Variants in PCSK5 observed in about 807,000 individuals in gnomAD.
PCSK5 encodes proprotein convertase subtilisin/kexin type 5.
PCSK5 carries 129 observed loss-of-function variants against 233.2 expected under a neutral mutation model. That is an observed-to-expected ratio of 0.55 (90% confidence interval 0.48 to 0.64). The LOEUF is 0.64. PCSK5 is among the 30% of genes least tolerant of loss of function. The pLI is 0.00. For synonymous variants in PCSK5, 825 were observed against 879.2 expected, an observed-to-expected ratio of 0.94 and a Z score of 1.09; for missense variants, 2,076 against 2,430.1, an observed-to-expected ratio of 0.85 and a Z score of 3.06.
intron 2 of PCSK5, among the ~76,000 whole-genome samples, chr9:75,939,949 C>A (rs551559572): frequency 1.3e-5 from 2 of 152,186 alleles, no homozygotes; most frequent in South Asian, 2.1e-4. Context: ...TGCCTCATCA[C>A]GTGGATGTGT....
intron 2 of PCSK5, among the ~76,000 whole-genome samples, chr9:75,950,428 A>C (rs1426794423): frequency 6.6e-6 from 1 of 152,130 alleles, no homozygotes; most frequent in Non-Finnish European, 1.5e-5. Flanking sequence ...TTTGGATGCT[A>C]TTTGAAAGGC....
chr9:76,218,461 T>G (rs1181777010), intron 20 of PCSK5, among the ~76,000 whole-genome samples: 1 of 152,106 alleles, frequency 6.6e-6, no homozygotes, highest in East Asian at 1.9e-4. Context: ...TGACCAGGGT[T>G]TAGATGATGT....
At chr9:76,235,903 C>T (rs1471587972) in intron 22 of PCSK5, among the ~76,000 whole-genome samples, 1 of 152,196 alleles carries the variant, frequency 6.6e-6, no homozygotes, top group Non-Finnish European at 1.5e-5. Context: ...TGAAGAAGTT[C>T]CATATCCATA....
At chr9:76,132,399 T>C (rs1021124288) in intron 9 of PCSK5, among the ~76,000 whole-genome samples, 3 of 152,126 alleles carry the variant, frequency 2.0e-5, no homozygotes, top group African/African-American at 2.4e-5. Context: ...ATCGTTCTCA[T>C]ATTTTTAAAG....
intron 20 of PCSK5, among the ~76,000 whole-genome samples, chr9:76,200,692 A>G (rs933268049): frequency 2.6e-5 from 4 of 152,242 alleles, no homozygotes; most frequent in African/African-American, 9.6e-5. Context: ...GATATTCGAG[A>G]GAGAGAACCT....
chr9:76,260,420 T>C lies in PCSK5; in HGVS notation c.3142+19736T>C, dbSNP rs118026603. ...GCTAAGTGGACTCAATCTGAGCTCA[T>C]GAATCTTTAAAGTGGAGAACCTTTC... On this transcript the variant is annotated intron_variant, in intron 24 of 37. Coordinates refer to ENST00000674117, the MANE Select transcript of PCSK5 (RefSeq NM_001372043.1). Among the ~76,000 whole-genome samples, 193 of 152,282 alleles carry C rather than the reference T, an allele frequency of 1.3e-3. 2 individuals are homozygous for C. Among genetic ancestry groups the C allele is most frequent in the East Asian group, 5.6e-3 (29 of 5,194 alleles).
intron 20 of PCSK5, among the ~76,000 whole-genome samples, chr9:76,205,442 T>C (rs954949293): frequency 1.6e-4 from 25 of 152,176 alleles, no homozygotes; most frequent in African/African-American, 6.0e-4. Context: ...CATTCAGGAA[T>C]GTCCAAGCTC....
At chr9:75,906,056 G>C (rs1437327385) in intron 1 of PCSK5, among the ~76,000 whole-genome samples, 1 of 152,028 alleles carries the variant, frequency 6.6e-6, no homozygotes, top group African/African-American at 2.4e-5. Flanking sequence ...CGGTGCTTGC[G>C]TTATAGTGGG....
At chr9:76,280,136 A>T (rs1827821616) in intron 24 of PCSK5, among the ~76,000 whole-genome samples, 2 of 152,052 alleles carry the variant, frequency 1.3e-5, no homozygotes, top group African/African-American at 4.8e-5. Flanking sequence ...TGAACTTTTC[A>T]TCATTATTTT....
At chr9:75,999,218 A>G (rs1183238424) in intron 3 of PCSK5, among the ~76,000 whole-genome samples, 1 of 151,850 alleles carries the variant, frequency 6.6e-6, no homozygotes, top group Non-Finnish European at 1.5e-5. Flanking sequence ...CTAGCCCCCC[A>G]GCCCCCAACA....
chr9:76,252,345 A>T (rs1033701605), intron 24 of PCSK5, among the ~76,000 whole-genome samples: 1 of 152,218 alleles, frequency 6.6e-6, no homozygotes, highest in African/African-American at 2.4e-5. Context: ...TCAGTCCTTC[A>T]TACTAAAGCC....
intron 7 of PCSK5, among the ~76,000 whole-genome samples, chr9:76,089,556 A>G (rs752491847): frequency 5.9e-5 from 9 of 152,200 alleles, no homozygotes; most frequent in Non-Finnish European, 1.3e-4. Flanking sequence ...AACTAACAAT[A>G]TGTGAAAGCT....
chr9:76,331,433 C>T (rs1005667150), intron 33 of PCSK5, among the ~76,000 whole-genome samples: 3 of 151,886 alleles, frequency 2.0e-5, no homozygotes, highest in Admixed American at 6.6e-5. Flanking sequence ...TTTGGGAGGC[C>T]GAGGTGGGCG....
intron 15 of PCSK5, among the ~76,000 whole-genome samples, 156 bp downstream of exon 15, chr9:76,179,854 A>C (rs533536140): frequency 1.3e-5 from 2 of 152,196 alleles, no homozygotes; most frequent in South Asian, 4.2e-4. Context: ...GTGCAGGCCG[A>C]CTGCCTCCCT....
chr9:75,979,326 A>G (rs1244646040), intron 2 of PCSK5, among the ~76,000 whole-genome samples: 1 of 152,044 alleles, frequency 6.6e-6, no homozygotes, highest in Non-Finnish European at 1.5e-5. Context: ...GATCTGGGCA[A>G]GAGGGTTTTT....
chr9:75,984,126 T>C (rs1417174602), intron 2 of PCSK5, among the ~76,000 whole-genome samples: 2 of 152,230 alleles, frequency 1.3e-5, no homozygotes, highest in East Asian at 1.9e-4. Context: ...GGTAAAATTA[T>C]AGAAGGGATG....
At chr9:76,210,646 C>T (rs1825294354) in intron 20 of PCSK5, among the ~76,000 whole-genome samples, 1 of 152,214 alleles carries the variant, frequency 6.6e-6, no homozygotes. Context: ...GAGGGAGCAG[C>T]GTTGCAAGAT....
chr9:76,329,317 T>A (rs988480566), intron 33 of PCSK5, among the ~76,000 whole-genome samples: 1 of 151,010 alleles, frequency 6.6e-6, no homozygotes, highest in Non-Finnish European at 1.5e-5. Flanking sequence ...TTCCATGTCA[T>A]GTCCAGCCAT....
At chr9:76,190,638 T>C (rs567849715) in intron 20 of PCSK5, among the ~76,000 whole-genome samples, 13 of 152,140 alleles carry the variant, frequency 8.5e-5, no homozygotes, top group South Asian at 2.1e-4. Context: ...TGTTTATAAT[T>C]TTGATGTATA....
Sources: allele counts gnomAD v4.1 joint callset (sites outside exome capture counted in the v4.1 genomes callset), GRCh38; gene constraint gnomAD v4.1.1; transcripts MANE v1.5; gene names NCBI Gene and HGNC (gene_info 2026-07-23, HGNC 2026-07-21).